Variants in DENND2B observed in about 807,000 individuals in gnomAD.
DENND2B encodes the protein DENN domain-containing protein 2B.
DENND2B carries 32 observed loss-of-function variants against 116.0 expected under a neutral mutation model. That is an observed-to-expected ratio of 0.28 (90% CI 0.21 to 0.37). DENND2B has a LOEUF of 0.37. Ranked by LOEUF, DENND2B falls within the 10% of genes least tolerant of loss-of-function variation. The pLI, the probability that DENND2B is intolerant of heterozygous loss-of-function variation, is 1.00. For missense variants in DENND2B, 1,276 were observed against 1,477.7 expected, an observed-to-expected ratio of 0.86 and a Z score of 2.24; for synonymous variants, 588 against 583.9, an observed-to-expected ratio of 1.01 and a Z score of -0.10.
At chr11:8,700,733 T>C (rs1364561209) in intron 14 of DENND2B, among the ~76,000 whole-genome samples, 1 of 152,210 alleles carries the variant, frequency 6.6e-6, no homozygotes, top group African/African-American at 2.4e-5. Context: ...ATGTTGCCAA[T>C]AACCCATCCT....
At chr11:8,856,280 C>T (rs1215336320) in intron 3 of DENND2B, among the ~76,000 whole-genome samples, 1 of 152,174 alleles carries the variant, frequency 6.6e-6, no homozygotes, top group Non-Finnish European at 1.5e-5. Flanking sequence ...GGATTTTTTT[C>T]TTGCATCCAA....
intron 4 of DENND2B, among the ~76,000 whole-genome samples, chr11:8,825,855 A>G (rs1044415127): frequency 6.6e-6 from 1 of 152,202 alleles, no homozygotes; most frequent in Non-Finnish European, 1.5e-5. Context: ...TTTTGAGTTT[A>G]GCTGACAAAA....
chr11:8,776,548 C>T (rs2057753994), intron 1 of DENND2B: 1 of 265,466 alleles, frequency 3.8e-6, no homozygotes, highest in Non-Finnish European at 7.5e-6. Context: ...CACCAGACAT[C>T]GCAGGCAGCT....
chr11:8,893,254 A>C (rs10840145), intron 1 of DENND2B, among the ~76,000 whole-genome samples: 3 of 151,996 alleles, frequency 2.0e-5, no homozygotes, highest in Non-Finnish European at 4.4e-5. Context: ...ATCTCAAAAT[A>C]ATAAGAGCTA....
intron 1 of DENND2B, among the ~76,000 whole-genome samples, chr11:8,801,701 G>GAAAGAAAC (rs796319245): frequency 0.014 from 2,092 of 145,586 alleles, 27 homozygotes; most frequent in African/African-American, 0.034. Flanking sequence ...AAGAAAGAAA[G>GAAAGAAAC]AAACAAACAA....
At chr11:8,891,493 C>T (rs1016083666) in intron 1 of DENND2B, among the ~76,000 whole-genome samples, 3 of 152,098 alleles carry the variant, frequency 2.0e-5, no homozygotes, top group African/African-American at 7.2e-5. Flanking sequence ...ATTCAGGAGA[C>T]CCATCTCACA....
chr11:8,747,230 TCA>T lies in DENND2B; in HGVS notation c.80+3389_80+3390del, dbSNP rs199898705. ...CCTTGCCCTCAAGAATTATATATTC[TCA>T]CACACTCAGATTTTCAGCACCCACC... On this transcript the variant is annotated intron_variant, in intron 2 of 19. Transcript: ENST00000313726. Among the ~76,000 whole-genome samples, 1,132 of 152,006 alleles carry T rather than the reference TCA, an allele frequency of 7.4e-3. 12 individuals are homozygous for T. Among genetic ancestry groups the T allele is most frequent in the African/African-American group, 0.025 (1,026 of 41,302 alleles).
chr11:8,829,042 G>A (rs2062093419), intron 4 of DENND2B, among the ~76,000 whole-genome samples: 1 of 148,152 alleles, frequency 6.7e-6, no homozygotes, highest in Non-Finnish European at 1.5e-5. Flanking sequence ...TGTGTATGGT[G>A]TGTTTGTGTG....
chr11:8,769,766 AAAG>A (rs200511782), intron 1 of DENND2B, among the ~76,000 whole-genome samples: 2,229 of 152,248 alleles, frequency 0.015, 27 homozygotes, highest in Middle Eastern at 0.071. Flanking sequence ...CCTGGCTGGG[AAAG>A]AAGGACTGGT....
chr11:8,863,346 T>TCCCAGGTTCACAGCATTCTCCTGC (rs543669262), intron 2 of DENND2B, among the ~76,000 whole-genome samples: 1 of 81,270 alleles, frequency 1.2e-5, no homozygotes, highest in Non-Finnish European at 2.5e-5. Context: ...AAGCTCCACC[T>TCCCAGGTTCACAGCATTCTCCTGC]CTCAGCCTCC....
At chr11:8,816,224 C>G (rs1319360031) in intron 4 of DENND2B, among the ~76,000 whole-genome samples, 1 of 152,114 alleles carries the variant, frequency 6.6e-6, no homozygotes, top group Non-Finnish European at 1.5e-5. Flanking sequence ...GTGGTATTCC[C>G]ACTGAAAACA....
chr11:8,795,521 C>T (rs1344983999), intron 1 of DENND2B, among the ~76,000 whole-genome samples: 1 of 152,078 alleles, frequency 6.6e-6, no homozygotes, highest in Non-Finnish European at 1.5e-5. Context: ...GTCTGAAAAC[C>T]ACTGCTCTAC....
rs1256599661 is a variant in DENND2B at position 8,702,729 on chromosome 11, G to A, written c.2572-9C>T. 1 of 1,609,842 alleles carries A rather than the reference G, an allele frequency of 6.2e-7. No homozygotes were observed. Among genetic ancestry groups the A allele is most frequent in the Admixed American group, 1.7e-5 (1 of 59,832 alleles). On this transcript the variant is annotated splice_polypyrimidine_tract_variant and intron_variant, in intron 13 of 19. Coordinates refer to ENST00000313726, the MANE Select transcript of DENND2B (RefSeq NM_213618.2). The surrounding 1 kb of genome is among the most constrained non-coding windows in gnomAD (Gnocchi z 4.6). ...CGCCGCAGCTCTAACACCTGCAGGA[G>A]AGCGATGGGAAAGTGGGCCGGGGCC...
chr11:8,790,834 T>G (rs1349156269), intron 1 of DENND2B, among the ~76,000 whole-genome samples: 1 of 152,174 alleles, frequency 6.6e-6, no homozygotes, highest in Non-Finnish European at 1.5e-5. Flanking sequence ...CGCTAAATCC[T>G]GCTTTTCTCG....
intron 1 of DENND2B, among the ~76,000 whole-genome samples, chr11:8,793,539 G>A (rs1324620069): frequency 2.0e-5 from 3 of 152,332 alleles, no homozygotes; most frequent in Non-Finnish European, 2.9e-5. Flanking sequence ...CACAGCTGAA[G>A]AATAGTCCAC....
At chr11:8,747,002 A>G (rs1331771290) in intron 2 of DENND2B, among the ~76,000 whole-genome samples, 2 of 152,162 alleles carry the variant, frequency 1.3e-5, no homozygotes, top group Non-Finnish European at 2.9e-5. Flanking sequence ...CTACCTTTCT[A>G]AGAAACTACA....
At chr11:8,709,965 G>A (rs1263132612) in intron 11 of DENND2B, among the ~76,000 whole-genome samples, 2 of 152,110 alleles carry the variant, frequency 1.3e-5, no homozygotes, top group Non-Finnish European at 1.5e-5. Context: ...ATGAGCACGT[G>A]CCTGACTCTC....
intron 3 of DENND2B, among the ~76,000 whole-genome samples, chr11:8,854,366 T>C (rs2063123187): frequency 6.6e-6 from 1 of 151,846 alleles, no homozygotes; most frequent in Non-Finnish European, 1.5e-5. Flanking sequence ...CACGACCAGC[T>C]AATTTTTGTA....
intron 16 of DENND2B, among the ~76,000 whole-genome samples, chr11:8,698,165 A>AG (rs1314447323): frequency 3.3e-4 from 47 of 144,602 alleles, no homozygotes; most frequent in South Asian, 1.6e-3. Flanking sequence ...AAAAAAAAAA[A>AG]AGGGGGTAGA....
Sources: allele counts gnomAD v4.1 joint callset (sites outside exome capture counted in the v4.1 genomes callset), GRCh38; gene constraint gnomAD v4.1.1; non-coding constraint Gnocchi (gnomAD v3.1); transcripts MANE v1.5; gene names NCBI Gene and HGNC (gene_info 2026-07-23, HGNC 2026-07-21).